ENTREP2: variants seen among roughly 807,000 people sequenced by gnomAD.
ENTREP2 encodes the protein protein ENTREP2.
At chr15:29,618,926 A>G in the ENTREP2 span, among the ~76,000 whole-genome samples, 2 of 152,250 alleles carry the variant, frequency 1.3e-5, no homozygotes, top group African/African-American at 2.4e-5. Context: ...GAAGAAAGTT[A>G]CATGCAGGAG....
the ENTREP2 span, among the ~76,000 whole-genome samples, chr15:29,508,660 T>C: frequency 6.6e-6 from 1 of 152,358 alleles, no homozygotes; most frequent in South Asian, 2.1e-4. Flanking sequence ...GACATGATTA[T>C]CTCAATAGAT....
the ENTREP2 span, among the ~76,000 whole-genome samples, chr15:29,220,703 T>A: frequency 6.6e-6 from 1 of 152,144 alleles, no homozygotes; most frequent in Non-Finnish European, 1.5e-5. Flanking sequence ...CTTTGGTGCA[T>A]GAACGTGTAT....
chr15:29,506,076 T>G, the ENTREP2 span, among the ~76,000 whole-genome samples: 1 of 152,220 alleles, frequency 6.6e-6, no homozygotes, highest in East Asian at 1.9e-4. Context: ...AATGACCTGA[T>G]GGAGCTGAAA....
chr15:29,581,707 T>C, the ENTREP2 span, among the ~76,000 whole-genome samples: 10 of 149,574 alleles, frequency 6.7e-5, no homozygotes, highest in Non-Finnish European at 1.5e-4. Context: ...TCCCAGCAAG[T>C]TGGTTTTTTT....
At chr15:29,479,644 C>T in the ENTREP2 span, among the ~76,000 whole-genome samples, 5 of 150,500 alleles carry the variant, frequency 3.3e-5, no homozygotes, top group East Asian at 3.9e-4. Flanking sequence ...CTCCCTCTCT[C>T]TCTGTCTGTC....
chr15:29,409,925 C>CA, the ENTREP2 span, among the ~76,000 whole-genome samples: 2 of 152,186 alleles, frequency 1.3e-5, no homozygotes, highest in Non-Finnish European at 2.9e-5. Flanking sequence ...TGAGGGTCCC[C>CA]AAAGCCCCCG....
the ENTREP2 span, among the ~76,000 whole-genome samples, chr15:29,237,664 T>C: frequency 2.0e-5 from 3 of 152,136 alleles, no homozygotes; most frequent in African/African-American, 4.8e-5. Context: ...AAAAGAAACG[T>C]TGGCAAGGAT....
At chr15:29,567,432 C>G in the ENTREP2 span, among the ~76,000 whole-genome samples, 4 of 152,208 alleles carry the variant, frequency 2.6e-5, no homozygotes, top group Non-Finnish European at 5.9e-5. Context: ...TCATCCCCTT[C>G]TGCCTAATCG....
At chr15:29,334,879 G>A in the ENTREP2 span, among the ~76,000 whole-genome samples, 7 of 152,184 alleles carry the variant, frequency 4.6e-5, no homozygotes, top group Non-Finnish European at 7.3e-5. Context: ...ACATGGAGAC[G>A]CCATCTGAAG....
At chr15:29,207,004 T>C in the ENTREP2 span, among the ~76,000 whole-genome samples, 2 of 152,060 alleles carry the variant, frequency 1.3e-5, no homozygotes, top group Non-Finnish European at 2.9e-5. Context: ...ATAGACATGC[T>C]CCGTAGGTTG....
the ENTREP2 span, among the ~76,000 whole-genome samples, chr15:29,119,534 G>T: frequency 1.5e-4 from 5 of 32,722 alleles, no homozygotes; most frequent in African/African-American, 3.0e-4. Context: ...CACCAGCATG[G>T]CACATGTATA....
At chr15:29,590,075 A>G in the ENTREP2 span, among the ~76,000 whole-genome samples, 4 of 152,166 alleles carry the variant, frequency 2.6e-5, no homozygotes, top group African/African-American at 9.7e-5. Context: ...AATGATCAGA[A>G]GATCTTATTG....
the ENTREP2 span, among the ~76,000 whole-genome samples, chr15:29,571,016 G>C: frequency 1.4e-5 from 2 of 145,698 alleles, no homozygotes; most frequent in South Asian, 4.2e-4. Flanking sequence ...GCCCGAGCGC[G>C]GGCGCGAGCC....
At chr15:29,279,375 T>C in the ENTREP2 span, among the ~76,000 whole-genome samples, 1 of 152,074 alleles carries the variant, frequency 6.6e-6, no homozygotes, top group Non-Finnish European at 1.5e-5. Flanking sequence ...TTGGGATTTT[T>C]TTTTTTTTGA....
chr15:29,273,935 T>C, the ENTREP2 span, among the ~76,000 whole-genome samples: 1 of 152,202 alleles, frequency 6.6e-6, no homozygotes, highest in Admixed American at 6.5e-5. Context: ...GCTTCCTTGC[T>C]CCTCAGCTTG....
At chr15:29,235,548 A>C in the ENTREP2 span, among the ~76,000 whole-genome samples, 3 of 152,352 alleles carry the variant, frequency 2.0e-5, no homozygotes, top group African/African-American at 4.8e-5. Context: ...GACACAAAAC[A>C]TATCAAAATA....
the ENTREP2 span, among the ~76,000 whole-genome samples, chr15:29,380,146 C>G: frequency 6.6e-6 from 1 of 152,272 alleles, no homozygotes; most frequent in African/African-American, 2.4e-5. Context: ...GAGGAGTACA[C>G]AGGGGTTCAT....
the ENTREP2 span, among the ~76,000 whole-genome samples, chr15:29,446,026 C>T: frequency 2.0e-5 from 3 of 152,172 alleles, no homozygotes; most frequent in African/African-American, 7.2e-5. Context: ...GCTGGAAAAA[C>T]TGTGTTTTTC....
the ENTREP2 span, among the ~76,000 whole-genome samples, chr15:29,436,969 C>T: frequency 2.0e-5 from 3 of 152,176 alleles, no homozygotes; most frequent in Non-Finnish European, 4.4e-5. Flanking sequence ...ACTCAGAAGG[C>T]CCAAAAAGAT....
Sources: allele counts gnomAD v4.1 joint callset (sites outside exome capture counted in the v4.1 genomes callset), GRCh38; gene constraint gnomAD v4.1.1; transcripts MANE v1.5; gene names NCBI Gene and HGNC (gene_info 2026-07-23, HGNC 2026-07-21).